SPINT2: variants seen among roughly 807,000 people sequenced by gnomAD.
SPINT2 encodes kunitz-type protease inhibitor 2.
A neutral mutation model predicts 30.1 loss-of-function variants in SPINT2; 18 were observed. The ratio of observed to expected loss-of-function variants is 0.60; its 90% CI spans 0.41 to 0.89. SPINT2 has a LOEUF of 0.89. Ranked by LOEUF, SPINT2 falls within the 40% of genes least tolerant of loss-of-function variation. The pLI is 0.00. For synonymous variants in SPINT2, 139 were observed against 137.9 expected, an observed-to-expected ratio of 1.01 and a Z score of -0.05; for missense variants, 276 against 334.3, an observed-to-expected ratio of 0.83 and a Z score of 1.36.
rs1234904752 is a variant in SPINT2 at position 38,291,891 on chromosome 19, C to T, written c.644C>T (p.Ala215Val). The T allele has an allele frequency of 1.2e-6, 2 of 1,613,776 alleles. No individual in the cohort carries two copies. The highest frequency in any genetic ancestry group is 2.2e-5 in the South Asian group (2 of 91,058). Residue 215 changes from alanine to valine, a missense_variant, in exon 7 of 7, where the codon GCC (alanine) becomes GTC (valine). Transcript: ENST00000301244. ...FVMVLILFLG[A>V]SMVYLIRVAR... ...ATGGTGTTGATCCTCTTCCTGGGAG[C>T]CTCCATGGTCTACCTGATCCGGGTG...
intron 1 of SPINT2, among the ~76,000 whole-genome samples, chr19:38,270,942 G>A (rs984728771): frequency 2.6e-5 from 4 of 152,184 alleles, no homozygotes; most frequent in Admixed American, 6.5e-5. Flanking sequence ...CATGACTAAT[G>A]TGGACATTAG....
chr19:38,271,016 C>T (rs976586865), intron 1 of SPINT2, among the ~76,000 whole-genome samples: 2 of 152,198 alleles, frequency 1.3e-5, no homozygotes, highest in African/African-American at 2.4e-5. Flanking sequence ...TTTTTTCTGG[C>T]AACATCTTTT....
At chr19:38,267,647 A>AGCG (rs1427227079) in intron 1 of SPINT2, among the ~76,000 whole-genome samples, 1 of 121,212 alleles carries the variant, frequency 8.3e-6, no homozygotes, top group African/African-American at 2.9e-5. Context: ...CCTGAGAGGA[A>AGCG]GCGGGGGGGC....
chr19:38,276,263 A>G (rs1968516743), intron 1 of SPINT2, among the ~76,000 whole-genome samples: 1 of 152,190 alleles, frequency 6.6e-6, no homozygotes, highest in Admixed American at 6.5e-5. Context: ...GTGAGGCAAG[A>G]AGCTCTTGTG....
Position 38,290,589 on chromosome 19 carries a change from T to TA in SPINT2, c.592+15dup, listed in dbSNP as rs774003976. 2 of 1,613,528 alleles carry TA rather than the reference T, an allele frequency of 1.2e-6. No individual in the cohort carries two copies. Among genetic ancestry groups the TA allele is most frequent in the Admixed American group, 3.3e-5 (2 of 59,966 alleles). On this transcript the variant is annotated intron_variant, in intron 6 of 6. Transcript: ENST00000301244. The surrounding 1 kb of genome is among the most constrained non-coding windows in gnomAD (Gnocchi z 4.3). ...TTGGCTCAAAGGGTAAGTGGCCCCT[T>TA]ACCCTCCTCCTGCCATCAGCCTGCC...
intron 1 of SPINT2, among the ~76,000 whole-genome samples, chr19:38,282,484 T>C (rs1355366753): frequency 2.6e-5 from 4 of 152,192 alleles, no homozygotes; most frequent in Admixed American, 2.0e-4. Context: ...TCAGGTCGCC[T>C]TCAATCCTTC....
intron 3 of SPINT2, chr19:38,288,842 A>C: frequency 2.7e-6 from 1 of 374,964 alleles, no homozygotes; most frequent in Non-Finnish European, 5.0e-6. Context: ...TGTCCCCCTC[A>C]CTGTATTAGA....
intron 2 of SPINT2, among the ~76,000 whole-genome samples, chr19:38,286,888 C>G (rs756575398): frequency 3.3e-5 from 5 of 152,216 alleles, no homozygotes; most frequent in African/African-American, 1.2e-4. Context: ...AAGCTGGTCT[C>G]AAACTCCTGG....
chr19:38,273,981 A>G (rs1204711194), intron 1 of SPINT2, among the ~76,000 whole-genome samples: 1 of 152,236 alleles, frequency 6.6e-6, no homozygotes, highest in Non-Finnish European at 1.5e-5. Flanking sequence ...CTGTAATCCC[A>G]GCACTTCAGG....
At chr19:38,275,713 ATGCC>A (rs1968508858) in intron 1 of SPINT2, among the ~76,000 whole-genome samples, 1 of 150,540 alleles carries the variant, frequency 6.6e-6, no homozygotes. Flanking sequence ...ATGAGCCACC[ATGCC>A]CAGCTTGACA....
intron 1 of SPINT2, among the ~76,000 whole-genome samples, chr19:38,282,026 C>T (rs967933490): frequency 3.9e-5 from 6 of 152,198 alleles, no homozygotes; most frequent in African/African-American, 1.4e-4. Context: ...GAATTTCCTG[C>T]TTCAGAAGAT....
chr19:38,267,810 T>C (rs938156521), intron 1 of SPINT2, among the ~76,000 whole-genome samples: 1 of 152,068 alleles, frequency 6.6e-6, no homozygotes, highest in African/African-American at 2.4e-5. Flanking sequence ...GTTGTCTGGG[T>C]TGGCAGATAA....
chr19:38,285,913 T>C (rs1017984505), intron 2 of SPINT2, among the ~76,000 whole-genome samples: 1 of 152,150 alleles, frequency 6.6e-6, no homozygotes, highest in Non-Finnish European at 1.5e-5. Flanking sequence ...TGGCTGTTTG[T>C]TACCTCCTCA....
intron 2 of SPINT2, among the ~76,000 whole-genome samples, chr19:38,285,550 A>G (rs1407800058): frequency 6.6e-6 from 1 of 151,974 alleles, no homozygotes; most frequent in Non-Finnish European, 1.5e-5. Flanking sequence ...TCACCATGTT[A>G]CCCAGGCTGG....
At chr19:38,272,747 A>G (rs776642223) in intron 1 of SPINT2, among the ~76,000 whole-genome samples, 2 of 152,028 alleles carry the variant, frequency 1.3e-5, no homozygotes, top group African/African-American at 2.4e-5. Context: ...TTTGATATGG[A>G]GTCTCTGTCG....
intron 2 of SPINT2, among the ~76,000 whole-genome samples, chr19:38,284,616 C>G (rs1016976371): frequency 1.3e-5 from 2 of 152,188 alleles, no homozygotes; most frequent in African/African-American, 4.8e-5. Flanking sequence ...CAGCGTGACC[C>G]AGCTTCCTTT....
intron 1 of SPINT2, among the ~76,000 whole-genome samples, chr19:38,275,581 C>A (rs1302143863): frequency 6.6e-6 from 1 of 151,998 alleles, no homozygotes; most frequent in Non-Finnish European, 1.5e-5. Context: ...CTGTATCTGG[C>A]CAAAAAAATT....
chr19:38,292,290 T>G lies in SPINT2; in HGVS notation c.*284T>G. The stretch of plus-strand genomic sequence containing the variant: ...TTTTCTTTGCTTATGTTGAATTCCA[T>G]TGCCTCTTTTCTCATCACAGAAGTG... On this transcript the variant is annotated 3_prime_UTR_variant, in exon 7 of 7. Transcript: ENST00000301244. The G allele has an allele frequency of 8.2e-6, 3 of 365,274 alleles. No individual in the cohort carries two copies. Among genetic ancestry groups the G allele is most frequent in the Non-Finnish European group, 1.5e-5 (3 of 195,264 alleles). The allele number at this position is 365,274 out of a possible 1,614,324, so 22.6% of individuals were successfully genotyped here.
Position 38,264,713 on chromosome 19 carries a change from C to T in SPINT2, c.-180C>T, listed in dbSNP as rs755598423. ...CGCGCGCCGAGAAGGCCGGGCGTCC[C>T]CACACTGAAGGTCCGGAAAGGCGAC... On this transcript the variant is annotated 5_prime_UTR_variant, in exon 1 of 7. Coordinates refer to ENST00000301244, the MANE Select transcript of SPINT2 (RefSeq NM_021102.4). 8.0e-5 allele frequency: 50 copies of T among 626,128 alleles called. No homozygotes were observed. The highest frequency in any genetic ancestry group is 1.3e-4 in the Non-Finnish European group (47 of 363,658). The allele number at this position is 626,128 out of a possible 1,614,324, so 38.8% of individuals were successfully genotyped here.
Sources: allele counts gnomAD v4.1 joint callset (sites outside exome capture counted in the v4.1 genomes callset), GRCh38; gene constraint gnomAD v4.1.1; non-coding constraint Gnocchi (gnomAD v3.1); transcripts MANE v1.5; gene names NCBI Gene and HGNC (gene_info 2026-07-23, HGNC 2026-07-21).